Variants in FHAD1 observed in about 807,000 individuals in gnomAD.
The protein encoded by FHAD1 is forkhead-associated domain-containing protein 1.
A neutral mutation model predicts 191.3 loss-of-function variants in FHAD1; 146 were observed. The ratio of observed to expected loss-of-function variants is 0.76; its 90% CI spans 0.67 to 0.88. FHAD1 has a LOEUF of 0.88. Ranked by LOEUF, FHAD1 falls within the 40% of genes least tolerant of loss-of-function variation. The pLI is 0.00. For missense variants in FHAD1, 1,635 were observed against 1,785.8 expected, an observed-to-expected ratio of 0.92 and a Z score of 1.52; for synonymous variants, 616 against 672.3, an observed-to-expected ratio of 0.92 and a Z score of 1.29.
At chr1:15,384,990 C>G (rs992328513) in intron 31 of FHAD1, among the ~76,000 whole-genome samples, 3 of 152,144 alleles carry the variant, frequency 2.0e-5, no homozygotes, top group African/African-American at 7.2e-5. Context: ...CTCATCCCCC[C>G]TATTCCTTTC....
In FHAD1 at chr1:15,360,510, GA is replaced by G; in HGVS notation, c.2771del (p.Lys924ArgfsTer3). ...MVEERLILQQ[K>X]MVKALQDEQE... ...TGGAAGAGCGGCTAATCCTGCAGCAGAAGATGGTAAAGGCCCTCCAGGATGA... is the reference window on the plus strand; with the variant it reads ...TGGAAGAGCGGCTAATCCTGCAGCAGAGATGGTAAAGGCCCTCCAGGATGA... On this transcript the variant is annotated frameshift_variant, in exon 22 of 34. Coordinates refer to ENST00000688493, the MANE Select transcript of FHAD1 (RefSeq NM_001391957.1). LOFTEE classifies it high-confidence loss of function. 1 of 1,551,666 alleles carries G rather than the reference GA, an allele frequency of 6.4e-7. No individual in the cohort carries two copies. The highest frequency in any genetic ancestry group is 8.7e-7 in the Non-Finnish European group (1 of 1,146,912).
intron 3 of FHAD1, among the ~76,000 whole-genome samples, chr1:15,288,032 A>G (rs714992): frequency 0.074 from 11,201 of 152,258 alleles, 553 homozygotes; most frequent in South Asian, 0.18. Context: ...TCTTACCTGG[A>G]AAGCATTATT....
At chr1:15,349,369 G>A (rs963189122) in intron 19 of FHAD1, among the ~76,000 whole-genome samples, 1 of 152,196 alleles carries the variant, frequency 6.6e-6, no homozygotes, top group African/African-American at 2.4e-5. Flanking sequence ...CTGCCTCATC[G>A]GATTAGATGC....
At chr1:15,266,235 A>G (rs1453808603) in intron 2 of FHAD1, among the ~76,000 whole-genome samples, 1 of 151,744 alleles carries the variant, frequency 6.6e-6, no homozygotes, top group African/African-American at 2.4e-5. Context: ...TCAGCCTCCC[A>G]AGTAGTTAAG....
At chr1:15,246,601 G>A (rs1168173599), upstream of FHAD1, among the ~76,000 whole-genome samples, 1 of 152,132 alleles carries the variant, frequency 6.6e-6, no homozygotes, top group Non-Finnish European at 1.5e-5. Flanking sequence ...TGGGATCAGC[G>A]TGTGACACTC....
chr1:15,327,298 G>A lies in FHAD1; in HGVS notation c.1557+156G>A. On this transcript the variant is annotated intron_variant, in intron 12 of 33. Coordinates refer to ENST00000688493, the MANE Select transcript of FHAD1 (RefSeq NM_001391957.1). The surrounding 1 kb of genome is among the most constrained non-coding windows in gnomAD (Gnocchi z 5.1). The stretch of plus-strand genomic sequence containing the variant: ...CCATAAAGATTTGTTTTGATTTTAT[G>A]GGATTTCCTGGCTTTTAAAGTAAAA... The A allele has an allele frequency of 1.8e-6, 1 of 554,346 alleles. No individual in the cohort carries two copies. Among genetic ancestry groups the A allele is most frequent in the Non-Finnish European group, 3.2e-6 (1 of 309,484 alleles). The allele number at this position is 554,346 out of a possible 1,614,324, so 34.3% of individuals were successfully genotyped here. A position where few individuals can be genotyped will look rare whatever the true frequency, so the allele number is the denominator to read the frequency against.
At position 15,296,754 on chromosome 1, in the gene FHAD1, G is replaced by T; in HGVS notation, c.639G>T (p.Ala213=). 5 of 1,551,800 alleles carry T rather than the reference G, an allele frequency of 3.2e-6. No homozygotes were observed. The highest frequency in any genetic ancestry group is 4.4e-6 in the Non-Finnish European group (5 of 1,147,016). The change falls in exon 5 of 34, where the codon GCG becomes GCT. Residue 213 remains alanine (A), a synonymous_variant. Transcript: ENST00000688493. ...GGATTCCTGGGGCAGTTCCCCCTGCGGAGATTTATGTGGAGGAGGACTTGG... is the reference window on the plus strand; with the variant it reads ...GGATTCCTGGGGCAGTTCCCCCTGCTGAGATTTATGTGGAGGAGGACTTGG... The part of the protein sequence containing the change: ...AEGIPGAVPP[A]EIYVEEDLAQ...
At chr1:15,303,855 A>AG (rs1370482432) in intron 6 of FHAD1, among the ~76,000 whole-genome samples, 1 of 151,914 alleles carries the variant, frequency 6.6e-6, no homozygotes, top group African/African-American at 2.4e-5. Flanking sequence ...TCTCAAAAAA[A>AG]AAAAAAAAGA....
intron 22 of FHAD1, among the ~76,000 whole-genome samples, chr1:15,361,663 G>C (rs1202526893): frequency 6.6e-6 from 1 of 152,178 alleles, no homozygotes; most frequent in Non-Finnish European, 1.5e-5. Flanking sequence ...AGGACAAAGA[G>C]TGGAGTTCAG....
chr1:15,305,512 GA>G (rs1235623865), intron 6 of FHAD1, among the ~76,000 whole-genome samples: 1 of 152,154 alleles, frequency 6.6e-6, no homozygotes, highest in Admixed American at 6.5e-5. Flanking sequence ...TCACCCCTCT[GA>G]GTCTTGATTT....
chr1:15,397,478 C>A lies in FHAD1; in HGVS notation c.*65C>A, dbSNP rs1706380891. On this transcript the variant is annotated 3_prime_UTR_variant, in exon 34 of 34. Transcript: ENST00000688493. ...AGTTCATGTGACTCTTCTGTGTCAT[C>A]TGTGTCAAAATACTGAGTTGCTTTT... The A allele has an allele frequency of 1.6e-5, 12 of 741,472 alleles. No individual in the cohort carries two copies. The highest frequency in any genetic ancestry group is 2.3e-5 in the Non-Finnish European group (11 of 477,596). The allele number at this position is 741,472 out of a possible 1,614,324, so 45.9% of individuals were successfully genotyped here.
chr1:15,365,529 C>T (rs1438239401), intron 23 of FHAD1, among the ~76,000 whole-genome samples: 1 of 139,146 alleles, frequency 7.2e-6, no homozygotes, highest in African/African-American at 2.9e-5. Context: ...ACTTATGTAG[C>T]CCAGGCTGGT....
chr1:15,359,905 G>C (rs547962187), intron 21 of FHAD1, among the ~76,000 whole-genome samples: 2 of 151,912 alleles, frequency 1.3e-5, no homozygotes, highest in South Asian at 2.1e-4. Flanking sequence ...AGCCGAGATC[G>C]CGCCACTGCA....
At chr1:15,275,163 C>T (rs559143393) in intron 3 of FHAD1, among the ~76,000 whole-genome samples, 46 of 152,180 alleles carry the variant, frequency 3.0e-4, no homozygotes, top group Non-Finnish European at 6.0e-4. Context: ...GGGGTTTCAC[C>T]GTGTTAGCCA....
chr1:15,313,342 G>GT (rs1195136832), intron 8 of FHAD1, among the ~76,000 whole-genome samples, 155 bp downstream of exon 8: 26 of 149,910 alleles, frequency 1.7e-4, no homozygotes, highest in Admixed American at 2.0e-4. Context: ...TGGTGGGGGG[G>GT]TGGGCGTTGG....
At chr1:15,351,768 A>G (rs1198549167) in intron 19 of FHAD1, among the ~76,000 whole-genome samples, 3 of 151,070 alleles carry the variant, frequency 2.0e-5, no homozygotes, top group Non-Finnish European at 2.9e-5. Context: ...AGATTGGACC[A>G]TCTTAAGCAA....
At chr1:15,354,409 T>G (rs926565696) in intron 20 of FHAD1, among the ~76,000 whole-genome samples, 5 of 152,150 alleles carry the variant, frequency 3.3e-5, no homozygotes, top group African/African-American at 1.2e-4. Context: ...CTGGCATGTG[T>G]CCAGAGAAGG....
intron 33 of FHAD1, among the ~76,000 whole-genome samples, chr1:15,394,542 G>C (rs1705289535): frequency 6.6e-6 from 1 of 152,136 alleles, no homozygotes; most frequent in Non-Finnish European, 1.5e-5. Context: ...CTTGAATGCA[G>C]AGTCTCAAAA....
At chr1:15,346,322 T>A (rs1258902116) in intron 18 of FHAD1, among the ~76,000 whole-genome samples, 1 of 152,204 alleles carries the variant, frequency 6.6e-6, no homozygotes, top group Non-Finnish European at 1.5e-5. Context: ...ATTTAAAAGT[T>A]CAGATTTCCA....
Sources: gnomAD v4.1 joint callset for allele counts (sites outside exome capture counted in the v4.1 genomes callset) on GRCh38, gnomAD v4.1.1 for gene constraint, Gnocchi (gnomAD v3.1) non-coding constraint, MANE v1.5 for transcripts, NCBI Gene and HGNC (gene_info 2026-07-23, HGNC 2026-07-21) for gene names.